The following HLCS variants were observed in gnomAD, a reference collection of about 807,000 sequenced individuals.
The protein encoded by HLCS is biotin--protein ligase.
Under a neutral mutation model 75.0 loss-of-function variants are expected in HLCS, and 53 were observed. That is an observed-to-expected ratio of 0.71 (90% CI 0.57 to 0.89). The LOEUF is 0.89. HLCS is among the 40% of genes least tolerant of loss of function. HLCS has a pLI of 0.00. For missense variants in HLCS, 966 were observed against 1,074.0 expected (o/e 0.90, Z 1.41); for synonymous variants, 431 against 428.6 (o/e 1.01, Z -0.07).
At chr21:36,837,202 T>C (rs1277985919) in intron 6 of HLCS, among the ~76,000 whole-genome samples, 1 of 152,072 alleles carries the variant, frequency 6.6e-6, no homozygotes, top group Non-Finnish European at 1.5e-5. Context: ...AACAAACAAA[T>C]AAAAAACTGC....
chr21:36,940,219 GCA>G (rs1010682190), intron 2 of HLCS, among the ~76,000 whole-genome samples: 5 of 152,194 alleles, frequency 3.3e-5, no homozygotes, highest in Admixed American at 1.3e-4. Context: ...GCAGTGAGCA[GCA>G]CAGTCTTTTT....
At chr21:36,765,948 CA>C (rs1256565369) in intron 7 of HLCS, among the ~76,000 whole-genome samples, 2 of 152,112 alleles carry the variant, frequency 1.3e-5, no homozygotes, top group Non-Finnish European at 2.9e-5. Context: ...CGCCCAGCCA[CA>C]CTTTAAATGG....
chr21:36,957,790 G>A (rs1017124461), intron 2 of HLCS, among the ~76,000 whole-genome samples: 6 of 151,530 alleles, frequency 4.0e-5, no homozygotes, highest in East Asian at 3.9e-4. Flanking sequence ...TTACCTGGGC[G>A]TTGTGGCACG....
intron 6 of HLCS, among the ~76,000 whole-genome samples, chr21:36,772,786 C>G (rs965253154): frequency 3.9e-5 from 6 of 151,992 alleles, no homozygotes; most frequent in African/African-American, 1.4e-4. Context: ...AGATCGAGAC[C>G]ATCCTGGCCA....
rs551485841 is a variant in HLCS at position 36,813,753 on chromosome 21, CCAT to C, written c.1893-46471_1893-46469del. ...TGCTTTGGGGCATTTTCGTCAAACT[CCAT>C]CATCTGGAAGTACCTAACAATAAGA... On this transcript the variant is annotated intron_variant, in intron 6 of 10. Coordinates refer to ENST00000674895, the MANE Select transcript of HLCS (RefSeq NM_001352514.2). 7.2e-5 allele frequency among the ~76,000 whole-genome samples: 11 copies of C among 152,294 alleles called. 1 individual carries two copies. The South Asian group carries it at 2.3e-3, about 32-fold the overall frequency.
Position 36,779,257 on chromosome 21 carries a change from C to G in HLCS, c.1893-11972G>C, listed in dbSNP as rs143919902. 1.8e-3 allele frequency among the ~76,000 whole-genome samples: 267 copies of G among 152,198 alleles called. 4 individuals carry two copies. Among genetic ancestry groups the G allele is most frequent in the African/African-American group, 6.0e-3 (248 of 41,498 alleles). ...CCTGCAGTTCATACCCCTGATGAAT[C>G]AAAGGTCAACTGTATTTCCTTCCGT... On this transcript the variant is annotated intron_variant, in intron 6 of 10. Transcript: ENST00000674895.
At chr21:36,841,750 G>GA (rs2062624357) in intron 6 of HLCS, among the ~76,000 whole-genome samples, 1 of 152,240 alleles carries the variant, frequency 6.6e-6, no homozygotes, top group African/African-American at 2.4e-5. Context: ...ACTAAGACGT[G>GA]AGCTATGTTC....
chr21:36,946,937 G>C (rs1341093769), intron 2 of HLCS, among the ~76,000 whole-genome samples: 1 of 152,186 alleles, frequency 6.6e-6, no homozygotes, highest in East Asian at 1.9e-4. Flanking sequence ...CTTTGGGAAT[G>C]GGGGAAAGGA....
chr21:36,863,691 ATG>A, intron 6 of HLCS, among the ~76,000 whole-genome samples: 1 of 152,352 alleles, frequency 6.6e-6, no homozygotes, highest in East Asian at 1.9e-4. Context: ...CAGCATAGTA[ATG>A]AAAACTGAAA....
Position 36,754,420 on chromosome 21 carries a change from GA to G in HLCS, c.2451-4del. ...TGCCCAGATGGACTTGCTGACCACT[GA>G]AAAGGAAGAACAGCGTGCGGTCACT... On this transcript the variant is annotated splice_region_variant and splice_polypyrimidine_tract_variant and intron_variant, in intron 10 of 10. Coordinates refer to ENST00000674895, the MANE Select transcript of HLCS (RefSeq NM_001352514.2). The G allele has an allele frequency of 6.2e-7, 1 of 1,611,266 alleles. No individual in the cohort carries two copies.
At chr21:36,907,630 C>A (rs542653609) in intron 5 of HLCS, among the ~76,000 whole-genome samples, 1 of 151,298 alleles carries the variant, frequency 6.6e-6, no homozygotes, top group East Asian at 1.9e-4. Flanking sequence ...CCAGCCTGGG[C>A]GACAGAGCGA....
intron 4 of HLCS, among the ~76,000 whole-genome samples, chr21:36,934,805 T>G (rs1040044288): frequency 1.3e-5 from 2 of 152,144 alleles, no homozygotes; most frequent in Admixed American, 1.3e-4. Flanking sequence ...CCTGTGATAA[T>G]ATTTATTTTT....
rs543297349 is a variant in HLCS at position 36,983,010 on chromosome 21, G to C, written c.-393+7148C>G. Among the ~76,000 whole-genome samples the C allele has an allele frequency of 4.6e-5, 7 of 152,018 alleles. No homozygotes were observed. In the South Asian group the frequency reaches 1.5e-3, roughly 32 times the overall value. On this transcript the variant is annotated intron_variant, in intron 1 of 11. Coordinates refer to the HLCS transcript ENST00000336648. ...GATTGTGCCAATGCACTACAGCCTG[G>C]GCGACACAGCGAGACTCCGTCTCAA... is the stretch of plus-strand genomic sequence containing the variant.
At chr21:36,758,004 C>A (rs1302167466) in intron 9 of HLCS, among the ~76,000 whole-genome samples, 1 of 152,206 alleles carries the variant, frequency 6.6e-6, no homozygotes, top group African/African-American at 2.4e-5. Flanking sequence ...TGCTCTGAAT[C>A]CCCAAAGTCA....
rs148446120 is a variant in HLCS at position 36,829,721 on chromosome 21, A to G, written c.1893-62436T>C. Among the ~76,000 whole-genome samples, 218 of 152,310 alleles carry G rather than the reference A, an allele frequency of 1.4e-3. 2 individuals carry two copies. The highest frequency in any genetic ancestry group is 5.1e-3 in the African/African-American group (210 of 41,566). On this transcript the variant is annotated intron_variant, in intron 6 of 10. Coordinates refer to ENST00000674895, the MANE Select transcript of HLCS (RefSeq NM_001352514.2). ...TAATTTGCTTTTATTTCAAGATACT[A>G]AAAAACCTGAGAGATCTCCCCACTC... is the stretch of plus-strand genomic sequence containing the variant.
intron 6 of HLCS, among the ~76,000 whole-genome samples, chr21:36,892,391 G>A (rs1407813032): frequency 6.6e-6 from 1 of 152,240 alleles, no homozygotes; most frequent in Non-Finnish European, 1.5e-5. Context: ...TGCAGGGGGT[G>A]CAGGGAGACT....
At chr21:36,819,054 T>G (rs2061748284) in intron 6 of HLCS, among the ~76,000 whole-genome samples, 1 of 152,144 alleles carries the variant, frequency 6.6e-6, no homozygotes. Flanking sequence ...CTTGAGCCCC[T>G]ACAGAACTGG....
intron 6 of HLCS, among the ~76,000 whole-genome samples, chr21:36,867,964 C>T (rs2063616686): frequency 6.6e-6 from 1 of 151,930 alleles, no homozygotes; most frequent in Non-Finnish European, 1.5e-5. Context: ...TCAGCCTGGC[C>T]AACATGGTGA....
At chr21:36,861,917 C>G (rs1039201750) in intron 6 of HLCS, among the ~76,000 whole-genome samples, 1 of 152,142 alleles carries the variant, frequency 6.6e-6, no homozygotes, top group South Asian at 2.1e-4. Context: ...ACATTAGCAG[C>G]CACTCCCCAT....
Sources: allele counts gnomAD v4.1 joint callset (sites outside exome capture counted in the v4.1 genomes callset), GRCh38; gene constraint gnomAD v4.1.1; transcripts MANE v1.5; gene names NCBI Gene and HGNC (gene_info 2026-07-23, HGNC 2026-07-21).